Variants in ADAMTS3 observed in about 807,000 individuals in gnomAD.
ADAMTS3 encodes the protein A disintegrin and metalloproteinase with thrombospondin motifs 3.
In ADAMTS3, 73 loss-of-function variants were observed where a neutral mutation model predicts 129.0. The observed-to-expected ratio is 0.57, with a 90% confidence interval of 0.47 to 0.69. ADAMTS3 has a LOEUF of 0.69. ADAMTS3 is among the 30% of genes least tolerant of loss of function. ADAMTS3 has a pLI of 0.00. For missense variants in ADAMTS3, 1,457 were observed against 1,514.5 expected, an observed-to-expected ratio of 0.96 and a Z score of 0.63; for synonymous variants, 477 against 510.8, an observed-to-expected ratio of 0.93 and a Z score of 0.89.
intron 4 of ADAMTS3, among the ~76,000 whole-genome samples, chr4:72,361,057 C>A (rs1720716129): frequency 6.6e-6 from 1 of 152,032 alleles, no homozygotes. Context: ...TCAACCAGAG[C>A]AACCCTCTTT....
chr4:72,366,620 T>C (rs1243342050), intron 4 of ADAMTS3, among the ~76,000 whole-genome samples: 1 of 152,146 alleles, frequency 6.6e-6, no homozygotes, highest in Non-Finnish European at 1.5e-5. Flanking sequence ...TTCATTCTAC[T>C]GCATAAAGCA....
intron 4 of ADAMTS3, among the ~76,000 whole-genome samples, chr4:72,399,272 A>G (rs1204102666): frequency 1.3e-5 from 2 of 152,102 alleles, no homozygotes; most frequent in East Asian, 3.9e-4. Context: ...TCTACAAAAA[A>G]AGTAAAAGAA....
At position 72,283,582 on chromosome 4, in the gene ADAMTS3, G is replaced by A. The variant is rs775694332; in HGVS notation, c.3172C>T (p.Pro1058Ser). The A allele has an allele frequency of 1.1e-5, 18 of 1,614,036 alleles. No individual in the cohort carries two copies. The Middle Eastern group carries it at 4.9e-4, about 44-fold the overall frequency. Residue 1058 changes from proline (P) to serine (S), a missense_variant, in exon 22 of 22, where the codon CCA (proline) becomes TCA (serine). By Grantham distance (74) the Pro-to-Ser change is moderately conservative. Coordinates refer to ENST00000286657, the MANE Select transcript of ADAMTS3 (RefSeq NM_014243.3). ...ESCSKRSSTL[P>S]PPYLLEAAET... The stretch of plus-strand genomic sequence containing the variant: ...GCAGCTTCTAGAAGGTATGGTGGTG[G>A]CAGGGTGCTACTGCGCTTGCTGCAG...
intron 4 of ADAMTS3, among the ~76,000 whole-genome samples, chr4:72,340,190 C>A (rs1260296447): frequency 6.6e-6 from 1 of 151,958 alleles, no homozygotes; most frequent in African/African-American, 2.4e-5. Flanking sequence ...TATAGCAGGG[C>A]AACACAACAG....
chr4:72,389,369 G>C (rs1721526149), intron 4 of ADAMTS3, among the ~76,000 whole-genome samples: 1 of 152,206 alleles, frequency 6.6e-6, no homozygotes, highest in Non-Finnish European at 1.5e-5. Context: ...TAAATTAGTG[G>C]TGGGGCTTTA....
chr4:72,352,671 T>C (rs1455637479), intron 4 of ADAMTS3, among the ~76,000 whole-genome samples: 1 of 151,974 alleles, frequency 6.6e-6, no homozygotes, highest in African/African-American at 2.4e-5. Flanking sequence ...TGAGGAAGAA[T>C]CAGTTTACTC....
At chr4:72,550,111 AGAAGAAG>A (rs1721607760) in intron 2 of ADAMTS3, among the ~76,000 whole-genome samples, 1 of 96,156 alleles carries the variant, frequency 1.0e-5, no homozygotes, top group African/African-American at 3.5e-5. Context: ...AAGAAGAAGA[AGAAGAAG>A]GCATAGAAAG....
At chr4:72,311,967 C>T (rs900442954) in intron 13 of ADAMTS3, 3 of 245,702 alleles carry the variant, frequency 1.2e-5, no homozygotes, top group Non-Finnish European at 2.3e-5. Context: ...AAGGAAAGAT[C>T]ACAATATTCC....
At chr4:72,554,002 T>G (rs1560565646) in intron 2 of ADAMTS3, among the ~76,000 whole-genome samples, 1 of 152,172 alleles carries the variant, frequency 6.6e-6, no homozygotes, top group Non-Finnish European at 1.5e-5. Flanking sequence ...CAAGAAAAAC[T>G]GTTGTCATAT....
At chr4:72,479,686 T>C (rs530964782) in intron 3 of ADAMTS3, among the ~76,000 whole-genome samples, 3 of 152,004 alleles carry the variant, frequency 2.0e-5, no homozygotes, top group East Asian at 3.9e-4. Context: ...AAGACAAAAT[T>C]AACAAATGGG....
At chr4:72,453,897 A>T (rs1289207249) in intron 3 of ADAMTS3, among the ~76,000 whole-genome samples, 1 of 147,916 alleles carries the variant, frequency 6.8e-6, no homozygotes, top group African/African-American at 2.5e-5. Context: ...ATTATATTAT[A>T]TGTAAAATAT....
chr4:72,470,406 C>CAT (rs1305008496), intron 3 of ADAMTS3, among the ~76,000 whole-genome samples: 31 of 146,512 alleles, frequency 2.1e-4, no homozygotes, highest in African/African-American at 7.6e-4. Context: ...CACACACACA[C>CAT]ATTTCATATA....
intron 3 of ADAMTS3, among the ~76,000 whole-genome samples, chr4:72,437,069 A>G (rs1490044871): frequency 6.6e-6 from 1 of 151,852 alleles, no homozygotes; most frequent in South Asian, 2.1e-4. Flanking sequence ...TCAAATGTTG[A>G]GTTTGCTCAA....
chr4:72,555,808 A>G (rs1721749505), intron 2 of ADAMTS3, among the ~76,000 whole-genome samples: 1 of 151,332 alleles, frequency 6.6e-6, no homozygotes, highest in African/African-American at 2.5e-5. Context: ...TGTTCTCGTG[A>G]TAGTGAATGA....
chr4:72,568,696 G>A lies in ADAMTS3; in HGVS notation c.67C>T (p.Gln23Ter). Residue 23 changes from glutamine (Q) to a stop codon, truncating the protein, a stop_gained and splice_region_variant, in exon 1 of 22, where the codon CAA (glutamine) becomes TAA (stop). Coordinates refer to ENST00000286657, the MANE Select transcript of ADAMTS3 (RefSeq NM_014243.3). LOFTEE classifies it high-confidence loss of function. ...LVEVRTSADG[Q>*]AGNEEMVQID... ...TATTGTTATTATTTTCCACTTACTTGTCCATCAGCTGAAGTCCTAACCTCT... is the reference window on the plus strand; with the variant it reads ...TATTGTTATTATTTTCCACTTACTTATCCATCAGCTGAAGTCCTAACCTCT... 6.2e-7 allele frequency: 1 copy of A among 1,612,676 alleles called. No individual in the cohort carries two copies. Among genetic ancestry groups the A allele is most frequent in the Non-Finnish European group, 8.5e-7 (1 of 1,179,138 alleles).
In ADAMTS3 at chr4:72,296,633, T is replaced by C. The variant is rs73824525; in HGVS notation, c.2591-847A>G. ...ATAATTTTGCTGAACCATTTGAAAG[T>C]TGAGGACATCCTGATCCTTCACTCC... On this transcript the variant is annotated intron_variant, in intron 18 of 21. Transcript: ENST00000286657. 7.8e-3 allele frequency among the ~76,000 whole-genome samples: 1,182 copies of C among 152,200 alleles called. 17 individuals carry two copies. Among genetic ancestry groups the C allele is most frequent in the African/African-American group, 0.027 (1,115 of 41,540 alleles).
At position 72,283,109 on chromosome 4, in the gene ADAMTS3, G is replaced by A. The variant is rs370706213; in HGVS notation, c.*27C>T. ...AGAGAGGTTGTCCAGGTTTTCCTCT[G>A]GTTTCTAGCCTTTTTGGTTCACTTT... On this transcript the variant is annotated 3_prime_UTR_variant, in exon 22 of 22. Transcript: ENST00000286657. 6.4e-7 allele frequency: 1 copy of A among 1,561,998 alleles called. No individual in the cohort carries two copies. The highest frequency in any genetic ancestry group is 8.7e-7 in the Non-Finnish European group (1 of 1,152,938).
At chr4:72,538,264 A>G (rs1374857444) in intron 3 of ADAMTS3, among the ~76,000 whole-genome samples, 2 of 152,238 alleles carry the variant, frequency 1.3e-5, no homozygotes, top group African/African-American at 2.4e-5. Context: ...GATGAAAGAC[A>G]TAAGTATAAA....
intron 4 of ADAMTS3, among the ~76,000 whole-genome samples, chr4:72,404,602 G>T (rs575902544): frequency 1.2e-4 from 18 of 152,006 alleles, no homozygotes; most frequent in Admixed American, 6.6e-4. Flanking sequence ...ACAACGATTT[G>T]CTAGTTATGA....
Sources: gnomAD v4.1 joint callset for allele counts (sites outside exome capture counted in the v4.1 genomes callset) on GRCh38, gnomAD v4.1.1 for gene constraint, MANE v1.5 for transcripts, NCBI Gene and HGNC (gene_info 2026-07-23, HGNC 2026-07-21) for gene names.